PACRG: variants seen among roughly 807,000 people sequenced by gnomAD.
PACRG encodes the protein parkin coregulated gene protein.
PACRG carries 29 observed loss-of-function variants against 29.7 expected under a neutral mutation model. The ratio of observed to expected loss-of-function variants is 0.98; its 90% confidence interval spans 0.73 to 1.33. The LOEUF is 1.33. Ranked by LOEUF, PACRG falls within the 40% of genes most tolerant of loss-of-function variation. The probability of loss-of-function intolerance (pLI) is 0.00; values close to 1 mark genes in which losing one functional copy is unlikely to be tolerated. For missense variants in PACRG, 279 were observed against 316.2 expected (o/e 0.88, Z 0.89); for synonymous variants, 116 against 118.7 (o/e 0.98, Z 0.15).
chr6:162,824,061 C>T (rs548625392), intron 2 of PACRG, among the ~76,000 whole-genome samples: 3 of 152,256 alleles, frequency 2.0e-5, no homozygotes, highest in Admixed American at 2.0e-4. Context: ...TCTGTCTTTG[C>T]CTGCCTTTAC....
intron 2 of PACRG, among the ~76,000 whole-genome samples, chr6:163,057,038 C>T (rs766033124): frequency 1.0e-3 from 156 of 152,134 alleles, no homozygotes; most frequent in Non-Finnish European, 1.8e-3. Flanking sequence ...AGTAAAACAG[C>T]GTGAGATATA....
At chr6:163,203,619 C>T (rs1316667209) in intron 4 of PACRG, among the ~76,000 whole-genome samples, 2 of 152,094 alleles carry the variant, frequency 1.3e-5, no homozygotes, top group African/African-American at 4.8e-5. Context: ...CTGGCAGGGC[C>T]CTGAAGGAGA....
chr6:162,919,988 C>G (rs1316979025), intron 2 of PACRG, among the ~76,000 whole-genome samples: 1 of 152,160 alleles, frequency 6.6e-6, no homozygotes, highest in Non-Finnish European at 1.5e-5. Flanking sequence ...AGTAGGTCCA[C>G]TGACCCCCAT....
rs924635903 is a variant in PACRG, at chr6:162,853,859, C to T, written c.291+39578C>T. Among the ~76,000 whole-genome samples, 8 of 152,100 alleles carry T rather than the reference C, an allele frequency of 5.3e-5. No homozygotes were observed. The highest frequency in any genetic ancestry group is 7.3e-5 in the Non-Finnish European group (5 of 68,030). ...TCCTTGTTTGTATCTATGTATCTAC[C>T]TCATAGGGTTGTCATTTATTATAAA... On this transcript the variant is annotated intron_variant, in intron 2 of 4. Transcript: ENST00000366888. The surrounding 1 kb of genome is among the most constrained non-coding windows in gnomAD (Gnocchi z 4.7).
intron 4 of PACRG, among the ~76,000 whole-genome samples, chr6:163,116,698 G>C (rs763218243): frequency 6.6e-6 from 1 of 152,164 alleles, no homozygotes; most frequent in Non-Finnish European, 1.5e-5. Context: ...CCATTCTCAA[G>C]GGTTTGCACC....
chr6:162,872,456 G>C (rs1792906327), intron 2 of PACRG, among the ~76,000 whole-genome samples: 1 of 152,130 alleles, frequency 6.6e-6, no homozygotes, highest in African/African-American at 2.4e-5. Context: ...CAAGAAAGAA[G>C]ATATTTAAAT....
At chr6:163,141,049 A>G (rs574326051) in intron 4 of PACRG, among the ~76,000 whole-genome samples, 19 of 152,334 alleles carry the variant, frequency 1.2e-4, no homozygotes, top group African/African-American at 4.1e-4. Context: ...GAAAAACATT[A>G]AAGACAACAA....
At position 163,269,867 on chromosome 6, in the gene PACRG, G is replaced by GAGAAAGAAAGAGAAAGAA. The variant is rs1562349501; in HGVS notation, c.614-44949_614-44948insGAAAGAAAGAAAGAAAGA. Among the ~76,000 whole-genome samples the GAGAAAGAAAGAGAAAGAA allele has an allele frequency of 1.5e-3, 84 of 56,742 alleles. 16 individuals carry two copies. Among genetic ancestry groups the GAGAAAGAAAGAGAAAGAA allele is most frequent in the South Asian group, 3.4e-3 (6 of 1,774 alleles). 37.2% of individuals were successfully genotyped at this position (56,742 alleles called of 152,430 possible). ...AAAGAAAGAAAGAAAGAGAAAGAAA[G>GAGAAAGAAAGAGAAAGAA]AGAAAGAAAGAAAGAAAGAAAGAAA... On this transcript the variant is annotated intron_variant, in intron 4 of 4. Transcript: ENST00000366888.
intron 4 of PACRG, among the ~76,000 whole-genome samples, chr6:163,298,936 A>G (rs1784883663): frequency 1.3e-5 from 2 of 152,190 alleles, no homozygotes; most frequent in African/African-American, 4.8e-5. Flanking sequence ...CTTCTGGATC[A>G]TCGTGCCTGT....
At chr6:163,014,011 G>A (rs1198014286) in intron 2 of PACRG, among the ~76,000 whole-genome samples, 2 of 152,000 alleles carry the variant, frequency 1.3e-5, no homozygotes, top group Admixed American at 6.6e-5. Context: ...GTTAAATTTT[G>A]TAATATACGT....
At chr6:163,178,361 G>C (rs929715961) in intron 4 of PACRG, among the ~76,000 whole-genome samples, 1 of 152,198 alleles carries the variant, frequency 6.6e-6, no homozygotes, top group Non-Finnish European at 1.5e-5. Flanking sequence ...GAAGTGCTGC[G>C]TAGACTCCAA....
At chr6:162,784,358 C>T (rs1784303444) in intron 1 of PACRG, among the ~76,000 whole-genome samples, 1 of 152,140 alleles carries the variant, frequency 6.6e-6, no homozygotes, top group Non-Finnish European at 1.5e-5. Context: ...ATCTTAATTT[C>T]TCGATCTCCC....
intron 4 of PACRG, among the ~76,000 whole-genome samples, chr6:163,227,534 A>T (rs1188215931): frequency 6.6e-6 from 1 of 152,246 alleles, no homozygotes; most frequent in Non-Finnish European, 1.5e-5. Flanking sequence ...AGATAACGAG[A>T]GGACTGTAAG....
intron 1 of PACRG, among the ~76,000 whole-genome samples, chr6:162,769,800 CT>C (rs1332103727): frequency 6.7e-6 from 1 of 149,728 alleles, no homozygotes; most frequent in Non-Finnish European, 1.5e-5. Context: ...TATCAAAAGA[CT>C]TTTTTAAATC....
intron 2 of PACRG, among the ~76,000 whole-genome samples, chr6:163,005,433 A>G (rs1804976305): frequency 6.6e-6 from 1 of 151,762 alleles, no homozygotes; most frequent in South Asian, 2.1e-4. Flanking sequence ...TCTAATAGGG[A>G]TTTTAGTGCT....
At chr6:162,909,551 T>A (rs1270304427) in intron 2 of PACRG, among the ~76,000 whole-genome samples, 2 of 88,672 alleles carry the variant, frequency 2.3e-5, no homozygotes, top group Non-Finnish European at 1.9e-5. Context: ...CGAGACTCCA[T>A]CTCAAAAAAA....
chr6:163,254,121 A>G (rs1169610493), intron 4 of PACRG, among the ~76,000 whole-genome samples: 1 of 152,178 alleles, frequency 6.6e-6, no homozygotes, highest in Non-Finnish European at 1.5e-5. Context: ...AGCAATTTCA[A>G]CATAGCCCTG....
At chr6:162,982,531 TA>T (rs1297496457) in intron 2 of PACRG, among the ~76,000 whole-genome samples, 5 of 152,120 alleles carry the variant, frequency 3.3e-5, no homozygotes, top group African/African-American at 1.2e-4. Context: ...AAAGAATTTT[TA>T]AATTTTAATC....
At chr6:163,207,752 A>G (rs990745459) in intron 4 of PACRG, among the ~76,000 whole-genome samples, 5 of 152,244 alleles carry the variant, frequency 3.3e-5, no homozygotes, top group Admixed American at 3.3e-4. Flanking sequence ...TTTCTACAAA[A>G]TTAAAATATA....
Sources: allele counts gnomAD v4.1 joint callset (sites outside exome capture counted in the v4.1 genomes callset), GRCh38; gene constraint gnomAD v4.1.1; non-coding constraint Gnocchi (gnomAD v3.1); transcripts MANE v1.5; gene names NCBI Gene and HGNC (gene_info 2026-07-23, HGNC 2026-07-21).